The following BICD1 variants were observed in gnomAD, a reference collection of about 807,000 sequenced individuals.
BICD1 encodes protein bicaudal D homolog 1.
BICD1 carries 35 observed loss-of-function variants against 92.5 expected under a neutral mutation model. That is an observed-to-expected ratio of 0.38 (90% CI 0.29 to 0.50). The LOEUF (loss-of-function observed/expected upper bound fraction) is 0.50. Ranked by LOEUF, BICD1 falls within the 20% of genes least tolerant of loss-of-function variation. The probability of loss-of-function intolerance (pLI) is 0.93; values close to 1 mark genes in which losing one functional copy is unlikely to be tolerated. For synonymous variants in BICD1, 429 were observed against 465.1 expected, an observed-to-expected ratio of 0.92 and a Z score of 1.00; for missense variants, 950 against 1,189.8, an observed-to-expected ratio of 0.80 and a Z score of 2.97.
At position 32,337,920 on chromosome 12, in the gene BICD1, A is replaced by G. The variant is rs960707372; in HGVS notation, c.2570+104A>G. 1.5e-6 allele frequency: 2 copies of G among 1,292,548 alleles called. No homozygotes were observed. Among genetic ancestry groups the G allele is most frequent in the African/African-American group, 3.0e-5 (2 of 67,616 alleles). 80.1% of individuals were successfully genotyped at this position (1,292,548 alleles called of 1,614,324 possible). On this transcript the variant is annotated intron_variant, in intron 7 of 9. Coordinates refer to ENST00000652176, the MANE Select transcript of BICD1 (RefSeq NM_001714.4). The surrounding 1 kb of genome is among the most constrained non-coding windows in gnomAD (Gnocchi z 4.7). ...TGGAGGATGGAGGAGGGGAAGCAAAAGAAAAAATGGGAGCTGGCATATAAA... is the reference window on the plus strand; with the variant it reads ...TGGAGGATGGAGGAGGGGAAGCAAAGGAAAAAATGGGAGCTGGCATATAAA...
At chr12:32,153,402 T>C (rs950117187) in intron 1 of BICD1, among the ~76,000 whole-genome samples, 1 of 152,150 alleles carries the variant, frequency 6.6e-6, no homozygotes, top group African/African-American at 2.4e-5. Context: ...TTTTTGGTAT[T>C]AATAGAGTGG....
rs146313521 is a variant in BICD1, at chr12:32,323,503, G to T, written c.1006-3958G>T. Reference sequence around the variant, plus strand: ...AGAGTCACATAGCTAAGTAAATGTTGGTCCCGAGATTTGACTCCAGTGTTC... The same window carrying T: ...AGAGTCACATAGCTAAGTAAATGTTTGTCCCGAGATTTGACTCCAGTGTTC... On this transcript the variant is annotated intron_variant, in intron 4 of 9. Coordinates refer to ENST00000652176, the MANE Select transcript of BICD1 (RefSeq NM_001714.4). 5.8e-4 allele frequency among the ~76,000 whole-genome samples: 89 copies of T among 152,252 alleles called. 1 individual carries two copies. Among genetic ancestry groups the T allele is most frequent in the African/African-American group, 1.9e-3 (79 of 41,546 alleles).
intron 2 of BICD1, among the ~76,000 whole-genome samples, chr12:32,270,837 G>A (rs568637551): frequency 6.6e-6 from 1 of 152,300 alleles, no homozygotes; most frequent in South Asian, 2.1e-4. Flanking sequence ...ATTGGCCTTT[G>A]TATATCTTTG....
intron 1 of BICD1, among the ~76,000 whole-genome samples, chr12:32,119,812 A>T (rs1016622810): frequency 6.6e-6 from 1 of 152,214 alleles, no homozygotes; most frequent in Middle Eastern, 3.2e-3. Flanking sequence ...TGGAGGTTGC[A>T]GTGAGCTGAG....
chr12:32,116,492 T>TCTCTTTC (rs1565524980), intron 1 of BICD1, among the ~76,000 whole-genome samples: 20 of 123,052 alleles, frequency 1.6e-4, no homozygotes, highest in African/African-American at 6.3e-4. Flanking sequence ...CTCTCTCTCT[T>TCTCTTTC]TCTCTCTCTC....
intron 1 of BICD1, among the ~76,000 whole-genome samples, chr12:32,194,925 A>G (rs1408350953): frequency 6.6e-6 from 1 of 151,920 alleles, no homozygotes; most frequent in Non-Finnish European, 1.5e-5. Flanking sequence ...AAAATAAAAT[A>G]CCTAGGAATA....
chr12:32,261,712 G>C (rs1210645447), intron 2 of BICD1, among the ~76,000 whole-genome samples: 2 of 152,212 alleles, frequency 1.3e-5, no homozygotes, highest in Non-Finnish European at 2.9e-5. Flanking sequence ...GGTGTTGGCA[G>C]CAGGTGTACC....
At chr12:32,247,236 C>CA (rs200029154) in intron 2 of BICD1, among the ~76,000 whole-genome samples, 14,993 of 135,042 alleles carry the variant, frequency 0.11, 1,245 homozygotes, top group African/African-American at 0.23. Flanking sequence ...GACCCTGTAT[C>CA]AAAAAAAAAA....
intron 1 of BICD1, among the ~76,000 whole-genome samples, chr12:32,188,636 T>C (rs1443531348): frequency 6.6e-6 from 1 of 152,208 alleles, no homozygotes; most frequent in East Asian, 1.9e-4. Context: ...GAAATTTGTG[T>C]CTGTTGGCCT....
intron 1 of BICD1, among the ~76,000 whole-genome samples, chr12:32,166,138 A>ATTTTTTT (rs1555140609): frequency 5.6e-5 from 8 of 144,048 alleles, no homozygotes; most frequent in South Asian, 2.3e-4. Flanking sequence ...TTATTTATTT[A>ATTTTTTT]TTTATTTATT....
At chr12:32,339,345 T>C in intron 8 of BICD1, 2 of 998,040 alleles carry the variant, frequency 2.0e-6, no homozygotes, top group Non-Finnish European at 2.4e-6. Flanking sequence ...TCGTTTTTAA[T>C]GTAATTTCCG....
Position 32,107,710 on chromosome 12 carries a change from C to G in BICD1, c.213+166C>G, listed in dbSNP as rs772825443. 1.4e-4 allele frequency: 120 copies of G among 853,200 alleles called. 1 individual carries two copies. The highest frequency in any genetic ancestry group is 1.3e-3 in the South Asian group (91 of 70,596). 52.9% of individuals were successfully genotyped at this position (853,200 alleles called of 1,614,324 possible). On this transcript the variant is annotated intron_variant, in intron 1 of 9. Coordinates refer to ENST00000652176, the MANE Select transcript of BICD1 (RefSeq NM_001714.4). ...TTGAAAGAGTCCATTGTTTCCTCCC[C>G]CAAGAGAAAAATTGCCTAAGAAATG... is the stretch of plus-strand genomic sequence containing the variant.
rs369889963 is a variant in BICD1 at position 32,127,907 on chromosome 12, C to CTTTT, written c.213+20374_213+20377dup. ...ATCTTATTGGGGCTGTGATCTAATT[C>CTTTT]TTTTTTTTTTTTTTGAGACAGACTC... On this transcript the variant is annotated intron_variant, in intron 1 of 9. Coordinates refer to ENST00000652176, the MANE Select transcript of BICD1 (RefSeq NM_001714.4). Among the ~76,000 whole-genome samples, 120 of 143,726 alleles carry CTTTT rather than the reference C, an allele frequency of 8.3e-4. 1 individual carries two copies. Among genetic ancestry groups the CTTTT allele is most frequent in the South Asian group, 2.2e-3 (10 of 4,508 alleles). The allele number at this position is 143,726 out of a possible 152,430, so 94.3% of individuals were successfully genotyped here.
chr12:32,363,323 G>A lies in BICD1; in HGVS notation c.2765-4347G>A, dbSNP rs1939403794. 2.6e-5 allele frequency among the ~76,000 whole-genome samples: 4 copies of A among 152,112 alleles called. No homozygotes were observed. The South Asian group carries it at 8.3e-4, about 32-fold the overall frequency. ...AGTCCCATCTACTCAGGAGATTGAG[G>A]CAGGAGGATTACTTGAACTCACTGC... On this transcript the variant is annotated intron_variant, in intron 8 of 9. Coordinates refer to ENST00000652176, the MANE Select transcript of BICD1 (RefSeq NM_001714.4).
At chr12:32,330,361 G>T (rs1937791420) in intron 5 of BICD1, among the ~76,000 whole-genome samples, 1 of 149,408 alleles carries the variant, frequency 6.7e-6, no homozygotes, top group Admixed American at 6.8e-5. Context: ...GCTCATAGGT[G>T]GGAATCGAAC....
chr12:32,274,096 G>A (rs1462326779), intron 2 of BICD1, among the ~76,000 whole-genome samples: 1 of 152,198 alleles, frequency 6.6e-6, no homozygotes, highest in African/African-American at 2.4e-5. Flanking sequence ...GCAGGGTTTC[G>A]TGGGGGACCT....
chr12:32,120,404 T>C (rs1489912229), intron 1 of BICD1, among the ~76,000 whole-genome samples: 1 of 152,242 alleles, frequency 6.6e-6, no homozygotes, highest in East Asian at 1.9e-4. Context: ...AGCAATTTCC[T>C]TAAGAATGTT....
chr12:32,141,622 C>T (rs1942923304), intron 1 of BICD1, among the ~76,000 whole-genome samples: 1 of 152,110 alleles, frequency 6.6e-6, no homozygotes. Flanking sequence ...TACAGGCGCC[C>T]GCCACTACGC....
At chr12:32,159,025 C>T (rs570306153) in intron 1 of BICD1, among the ~76,000 whole-genome samples, 1 of 152,268 alleles carries the variant, frequency 6.6e-6, no homozygotes, top group South Asian at 2.1e-4. Flanking sequence ...CCTCCGCTTC[C>T]CGGGTTCAGG....
Sources: allele counts gnomAD v4.1 joint callset (sites outside exome capture counted in the v4.1 genomes callset), GRCh38; gene constraint gnomAD v4.1.1; non-coding constraint Gnocchi (gnomAD v3.1); transcripts MANE v1.5; gene names NCBI Gene and HGNC (gene_info 2026-07-23, HGNC 2026-07-21).